L3MBTL4: variants seen among roughly 807,000 people sequenced by gnomAD.
L3MBTL4 encodes lethal(3)malignant brain tumor-like protein 4.
A neutral mutation model predicts 84.5 loss-of-function variants in L3MBTL4; 70 were observed. The observed-to-expected ratio is 0.83, with a 90% CI of 0.68 to 1.01. The LOEUF (loss-of-function observed/expected upper bound fraction) is 1.01. Ranked by LOEUF, L3MBTL4 falls within the 50% of genes least tolerant of loss-of-function variation. The pLI is 0.00. For synonymous variants in L3MBTL4, 274 were observed against 259.8 expected (o/e 1.05, Z -0.52); for missense variants, 715 against 754.8 (o/e 0.95, Z 0.62).
Position 5,969,080 on chromosome 18 carries a change from T to C in L3MBTL4, c.1614+313A>G, listed in dbSNP as rs546727924. On this transcript the variant is annotated intron_variant, in intron 17 of 18. Transcript: ENST00000317931. ...GTGCTTGCCCAAATTAAATCTCTGA[T>C]ATGGAATTGGAGGCTTAAGCCCCTC... Among the ~76,000 whole-genome samples, 18 of 152,170 alleles carry C rather than the reference T, an allele frequency of 1.2e-4. No homozygotes were observed. In the East Asian group the frequency reaches 2.1e-3, roughly 18 times the overall value.
At chr18:6,082,030 T>C (rs987794099) in intron 15 of L3MBTL4, among the ~76,000 whole-genome samples, 1 of 152,076 alleles carries the variant, frequency 6.6e-6, no homozygotes, top group Non-Finnish European at 1.5e-5. Flanking sequence ...GACAGTACAT[T>C]CAGTGTGCGA....
At chr18:6,164,973 G>A (rs1331811524) in intron 13 of L3MBTL4, among the ~76,000 whole-genome samples, 1 of 152,214 alleles carries the variant, frequency 6.6e-6, no homozygotes, top group Non-Finnish European at 1.5e-5. Context: ...AATCAACGTG[G>A]AGAAGTCCTT....
At chr18:6,218,072 T>A (rs1002324311) in intron 10 of L3MBTL4, among the ~76,000 whole-genome samples, 3 of 152,210 alleles carry the variant, frequency 2.0e-5, no homozygotes, top group African/African-American at 7.2e-5. Flanking sequence ...TTATACTATA[T>A]ATTTTATGTT....
intron 1 of L3MBTL4, among the ~76,000 whole-genome samples, chr18:6,392,733 A>C (rs2055108915): frequency 6.6e-6 from 1 of 152,220 alleles, no homozygotes; most frequent in Non-Finnish European, 1.5e-5. Context: ...CTAGGCAAAG[A>C]ATTTATTACT....
intron 16 of L3MBTL4, among the ~76,000 whole-genome samples, chr18:6,033,881 T>C (rs1294221153): frequency 6.6e-6 from 1 of 152,216 alleles, no homozygotes; most frequent in African/African-American, 2.4e-5. Context: ...AACCATAAAC[T>C]AATTATTTTA....
intron 1 of L3MBTL4, among the ~76,000 whole-genome samples, chr18:6,349,226 G>C (rs2053063422): frequency 6.6e-6 from 1 of 152,098 alleles, no homozygotes; most frequent in Non-Finnish European, 1.5e-5. Context: ...TTCACCAAAA[G>C]ACATATATAA....
At chr18:6,043,834 T>C (rs1172331018) in intron 16 of L3MBTL4, among the ~76,000 whole-genome samples, 2 of 152,214 alleles carry the variant, frequency 1.3e-5, no homozygotes, top group African/African-American at 4.8e-5. Flanking sequence ...CAGATCTATG[T>C]TTTTGAGTTA....
chr18:6,103,762 C>T (rs769326019), intron 14 of L3MBTL4, among the ~76,000 whole-genome samples: 1 of 152,134 alleles, frequency 6.6e-6, no homozygotes, highest in Non-Finnish European at 1.5e-5. Flanking sequence ...AATATTGAAC[C>T]AATGCCAACA....
At chr18:6,033,382 A>G (rs1365279251) in intron 16 of L3MBTL4, among the ~76,000 whole-genome samples, 1 of 152,052 alleles carries the variant, frequency 6.6e-6, no homozygotes, top group African/African-American at 2.4e-5. Flanking sequence ...GAGTCTTTTG[A>G]AGACAGCATA....
At chr18:5,989,412 A>G (rs1198234115) in intron 16 of L3MBTL4, among the ~76,000 whole-genome samples, 1 of 151,918 alleles carries the variant, frequency 6.6e-6, no homozygotes, top group African/African-American at 2.4e-5. Context: ...TTTTTAAACC[A>G]TATAGATAAA....
chr18:6,124,347 G>A (rs1260092198), intron 14 of L3MBTL4, among the ~76,000 whole-genome samples: 1 of 151,170 alleles, frequency 6.6e-6, no homozygotes, highest in Non-Finnish European at 1.5e-5. Context: ...CTCAAACTGA[G>A]AAAAGAGTAT....
intron 13 of L3MBTL4, among the ~76,000 whole-genome samples, chr18:6,166,775 A>C (rs1158245066): frequency 1.3e-5 from 2 of 152,206 alleles, no homozygotes; most frequent in East Asian, 3.8e-4. Context: ...AGAACTAGAG[A>C]AGCAAGAGCA....
intron 4 of L3MBTL4, among the ~76,000 whole-genome samples, chr18:6,269,613 C>A (rs941254529): frequency 2.0e-5 from 3 of 152,138 alleles, no homozygotes; most frequent in African/African-American, 4.8e-5. Flanking sequence ...TCAGCCTTTA[C>A]AACAGTACAA....
At chr18:5,990,521 C>A (rs1441341061) in intron 16 of L3MBTL4, among the ~76,000 whole-genome samples, 1 of 152,156 alleles carries the variant, frequency 6.6e-6, no homozygotes, top group Non-Finnish European at 1.5e-5. Flanking sequence ...AATTTAGTCA[C>A]AAACCCAGAA....
intron 3 of L3MBTL4, among the ~76,000 whole-genome samples, chr18:6,308,293 A>G (rs1313194343): frequency 2.0e-5 from 3 of 152,210 alleles, no homozygotes; most frequent in Non-Finnish European, 4.4e-5. Context: ...AAAACATATA[A>G]CAAATCCCAA....
intron 14 of L3MBTL4, among the ~76,000 whole-genome samples, chr18:6,100,198 A>G (rs146862881): frequency 3.2e-4 from 48 of 152,308 alleles, no homozygotes; most frequent in African/African-American, 1.1e-3. Flanking sequence ...GTGAAAACTA[A>G]ATGAGATAAT....
At chr18:6,048,740 G>T (rs1008414504) in intron 16 of L3MBTL4, among the ~76,000 whole-genome samples, 2 of 149,546 alleles carry the variant, frequency 1.3e-5, no homozygotes, top group Admixed American at 1.3e-4. Context: ...AGTGAGCCAA[G>T]ATCACACCAC....
intron 15 of L3MBTL4, among the ~76,000 whole-genome samples, chr18:6,086,683 G>T (rs1035195782): frequency 2.6e-5 from 4 of 152,200 alleles, no homozygotes; most frequent in Admixed American, 2.0e-4. Context: ...GGCCCTTTAT[G>T]ATAGGTGATT....
At chr18:6,132,033 A>G (rs1887126974) in intron 14 of L3MBTL4, among the ~76,000 whole-genome samples, 1 of 152,136 alleles carries the variant, frequency 6.6e-6, no homozygotes, top group Non-Finnish European at 1.5e-5. Context: ...CATTTCCTAG[A>G]GCTAACCTAC....
Sources: allele counts gnomAD v4.1 joint callset (sites outside exome capture counted in the v4.1 genomes callset), GRCh38; gene constraint gnomAD v4.1.1; transcripts MANE v1.5; gene names NCBI Gene and HGNC (gene_info 2026-07-23, HGNC 2026-07-21).